KCNQ5: variants seen among roughly 807,000 people sequenced by gnomAD.
KCNQ5 encodes potassium voltage-gated channel subfamily Q member 5, also known as potassium voltage-gated channel subfamily KQT member 5.
In KCNQ5, 30 loss-of-function variants were observed where a neutral mutation model predicts 98.2. The ratio of observed to expected loss-of-function variants is 0.31; its 90% CI spans 0.23 to 0.41. KCNQ5 has a LOEUF of 0.41. Among genes scored for constraint, KCNQ5 ranks in the 10% least tolerant of loss-of-function variants. The probability of loss-of-function intolerance (pLI) is 1.00; values close to 1 mark genes in which losing one functional copy is unlikely to be tolerated. For synonymous variants in KCNQ5, 458 were observed against 449.4 expected, an observed-to-expected ratio of 1.02 and a Z score of -0.24; for missense variants, 835 against 1,182.5, an observed-to-expected ratio of 0.71 and a Z score of 4.31.
Position 73,194,875 on chromosome 6 carries a change from C to T in KCNQ5, c.2260C>T (p.Leu754Phe), listed in dbSNP as rs1319078748. Reference sequence around the variant, plus strand: ...AACAACTTTACAGATCCCACCTCCTCTCCCAGCCATCAAGCATCTGCCCAG... The same window carrying T: ...AACAACTTTACAGATCCCACCTCCTTTCCCAGCCATCAAGCATCTGCCCAG... ...APTTLQIPPP[L>F]PAIKHLPRPE... The change falls in exon 14 of 14, where the codon CTC (leucine) becomes TTC (phenylalanine). Residue 754 changes from leucine to phenylalanine, a missense_variant. Leu to Phe is a conservative substitution (Grantham distance 22, BLOSUM62 0). This residue lies in a region of KCNQ5 where 416 missense variants were observed against 446.9 expected (regional missense o/e 0.93). Transcript: ENST00000370398. 6.2e-7 allele frequency: 1 copy of T among 1,614,074 alleles called. No homozygotes were observed. Among genetic ancestry groups the T allele is most frequent in the Non-Finnish European group, 8.5e-7 (1 of 1,180,044 alleles).
Position 73,180,379 on chromosome 6 carries a change from T to A in KCNQ5, c.1578-10194T>A, listed in dbSNP as rs141945819. On this transcript the variant is annotated intron_variant, in intron 11 of 13. Coordinates refer to ENST00000370398, the MANE Select transcript of KCNQ5 (RefSeq NM_019842.4). Reference sequence around the variant, plus strand: ...CCTTCCAAGGTAATCCTTTGAAAAATTAATGGAACTTCTTAACTACTTCTT... The same window carrying A: ...CCTTCCAAGGTAATCCTTTGAAAAAATAATGGAACTTCTTAACTACTTCTT... Among the ~76,000 whole-genome samples the A allele has an allele frequency of 6.6e-5, 10 of 152,186 alleles. No individual in the cohort carries two copies. In the East Asian group the frequency reaches 1.3e-3, roughly 20 times the overall value.
At chr6:72,939,872 T>C (rs1427036848) in intron 1 of KCNQ5, among the ~76,000 whole-genome samples, 2 of 152,216 alleles carry the variant, frequency 1.3e-5, no homozygotes, top group Non-Finnish European at 2.9e-5. Context: ...TCTATGAAGA[T>C]GAGTAAAATG....
At chr6:72,901,549 T>A (rs1779506448) in intron 1 of KCNQ5, among the ~76,000 whole-genome samples, 1 of 152,176 alleles carries the variant, frequency 6.6e-6, no homozygotes, top group Non-Finnish European at 1.5e-5. Context: ...AGGATCCAAT[T>A]TCATTCTCCT....
intron 1 of KCNQ5, among the ~76,000 whole-genome samples, chr6:72,826,706 T>C (rs1385294274): frequency 6.6e-6 from 1 of 152,198 alleles, no homozygotes; most frequent in Non-Finnish European, 1.5e-5. Context: ...CTAATATTTA[T>C]CATTTCCTTG....
intron 11 of KCNQ5, among the ~76,000 whole-genome samples, chr6:73,170,462 G>GA: frequency 7.9e-6 from 1 of 126,828 alleles, no homozygotes; most frequent in South Asian, 2.7e-4. Context: ...ACACACACAC[G>GA]CAATCAAGAT....
At chr6:72,935,064 C>CTTTTTTTTTTT (rs59215198) in intron 1 of KCNQ5, among the ~76,000 whole-genome samples, 61 of 99,216 alleles carry the variant, frequency 6.1e-4, no homozygotes, top group Non-Finnish European at 7.9e-4. Context: ...CTTGTTCTAT[C>CTTTTTTTTTTT]TTTTTTTTTT....
At chr6:73,087,896 C>A (rs1008999027) in intron 5 of KCNQ5, among the ~76,000 whole-genome samples, 1 of 152,130 alleles carries the variant, frequency 6.6e-6, no homozygotes, top group Non-Finnish European at 1.5e-5. Flanking sequence ...TCTTTCAAAG[C>A]CCAGGTAAGG....
chr6:73,146,231 T>C (rs7764373), intron 10 of KCNQ5, among the ~76,000 whole-genome samples: 29,765 of 152,154 alleles, frequency 0.2, 8,186 homozygotes, highest in African/African-American at 0.61. Context: ...CAGATCTCGT[T>C]CTTGTGGAGA....
At position 72,830,962 on chromosome 6, in the gene KCNQ5, C is replaced by T. The variant is rs529606784; in HGVS notation, c.399-172946C>T. 3.6e-3 allele frequency among the ~76,000 whole-genome samples: 554 copies of T among 152,216 alleles called. 1 individual carries two copies. The highest frequency in any genetic ancestry group is 5.1e-3 in the Non-Finnish European group (347 of 68,006). ...TCTCAAAAGAAGACATTTATGCAGC[C>T]AACAGACACATGAAAAAAATGCTTA... On this transcript the variant is annotated intron_variant, in intron 1 of 13. Coordinates refer to ENST00000370398, the MANE Select transcript of KCNQ5 (RefSeq NM_019842.4).
intron 1 of KCNQ5, among the ~76,000 whole-genome samples, chr6:72,705,952 G>A (rs771289453): frequency 4.0e-5 from 6 of 151,858 alleles, no homozygotes; most frequent in Admixed American, 6.6e-5. Context: ...ACATTTAAAC[G>A]AAAGAAAAAA....
intron 1 of KCNQ5, among the ~76,000 whole-genome samples, chr6:72,664,419 T>G (rs1766688438): frequency 6.6e-6 from 1 of 151,992 alleles, no homozygotes; most frequent in African/African-American, 2.4e-5. Context: ...GTTGGGAGGC[T>G]GAGGCAGGCA....
At chr6:72,936,329 C>G (rs2150234339) in intron 1 of KCNQ5, among the ~76,000 whole-genome samples, 1 of 152,300 alleles carries the variant, frequency 6.6e-6, no homozygotes, top group South Asian at 2.1e-4. Context: ...GCCTGATCTA[C>G]TTTCCCACCA....
At chr6:73,074,262 C>T (rs1773422457) in intron 3 of KCNQ5, among the ~76,000 whole-genome samples, 1 of 152,042 alleles carries the variant, frequency 6.6e-6, no homozygotes, top group African/African-American at 2.4e-5. Context: ...CTACTCATAA[C>T]TTGTAAAATA....
rs183828532 is a variant in KCNQ5 at position 72,692,811 on chromosome 6, T to C, written c.398+70224T>C. The stretch of plus-strand genomic sequence containing the variant: ...AGACAAAGTAATGAAGGAGGGCTAG[T>C]GAGGCCCTGCTGTAATATGGTGTAG... On this transcript the variant is annotated intron_variant, in intron 1 of 13. Coordinates refer to ENST00000370398, the MANE Select transcript of KCNQ5 (RefSeq NM_019842.4). Among the ~76,000 whole-genome samples the C allele has an allele frequency of 1.6e-4, 25 of 152,288 alleles. 1 individual carries two copies. The East Asian group carries it at 4.6e-3, about 28-fold the overall frequency.
At chr6:72,960,969 C>G (rs1294384443) in intron 1 of KCNQ5, among the ~76,000 whole-genome samples, 1 of 152,118 alleles carries the variant, frequency 6.6e-6, no homozygotes, top group Non-Finnish European at 1.5e-5. Context: ...CAGCTCATCT[C>G]TTTAAAAAAA....
At chr6:73,062,885 AAATCTGTGCTTGG>A (rs913962595) in intron 3 of KCNQ5, among the ~76,000 whole-genome samples, 134 of 152,302 alleles carry the variant, frequency 8.8e-4, no homozygotes, top group African/African-American at 3.0e-3. Context: ...CACAGACTCC[AAATCTGTGCTTGG>A]AATTTGGAGA....
intron 12 of KCNQ5, 69 bp from the exon 13 acceptor site, chr6:73,192,496 C>T: frequency 2.2e-6 from 3 of 1,352,126 alleles, no homozygotes; most frequent in Middle Eastern, 2.0e-4. Flanking sequence ...TTTTCCAAAA[C>T]TCTTCATTCT....
rs1554191160 is a variant in KCNQ5 at position 72,962,200 on chromosome 6, T to TACACATATATATATATATAC, written c.399-41705_399-41704insCATATATATATATATACACA. 8.0e-5 allele frequency among the ~76,000 whole-genome samples: 8 copies of TACACATATATATATATATAC among 99,968 alleles called. No homozygotes were observed. In the Admixed American group the frequency reaches 8.1e-4, roughly 10 times the overall value. The allele number at this position is 99,968 out of a possible 152,430, so 65.6% of individuals were successfully genotyped here. A position where few individuals can be genotyped will look rare whatever the true frequency, so the allele number is the denominator to read the frequency against. On this transcript the variant is annotated intron_variant, in intron 1 of 13. Transcript: ENST00000370398. ...TTCTCTAAATATATATATATATATA[T>TACACATATATATATATATAC]ACATATATATATATATACACACATA... is the stretch of plus-strand genomic sequence containing the variant.
intron 1 of KCNQ5, among the ~76,000 whole-genome samples, chr6:72,804,940 A>G (rs894805390): frequency 2.6e-5 from 4 of 152,038 alleles, no homozygotes; most frequent in African/African-American, 9.7e-5. Context: ...TTTTTCATAT[A>G]CCTGTTTGCA....
Sources: gnomAD v4.1 joint callset for allele counts (sites outside exome capture counted in the v4.1 genomes callset) on GRCh38, gnomAD v4.1.1 for gene constraint, gnomAD v4.1.1 regional missense constraint, MANE v1.5 for transcripts, NCBI Gene and HGNC (gene_info 2026-07-23, HGNC 2026-07-21) for gene names.